SPAG17: variants seen among roughly 807,000 people sequenced by gnomAD.
The protein encoded by SPAG17 is sperm-associated antigen 17.
A neutral mutation model predicts 273.6 loss-of-function variants in SPAG17; 169 were observed. That is an observed-to-expected ratio of 0.62 (90% CI 0.55 to 0.70). SPAG17 has a LOEUF of 0.70. Ranked by LOEUF, SPAG17 falls within the 30% of genes least tolerant of loss-of-function variation. The probability of loss-of-function intolerance (pLI) is 0.00; values close to 1 mark genes in which losing one functional copy is unlikely to be tolerated. For synonymous variants in SPAG17, 825 were observed against 873.2 expected (o/e 0.94, Z 0.97); for missense variants, 2,557 against 2,627.8 (o/e 0.97, Z 0.59).
chr1:117,985,045 G>T (rs572495236), intron 40 of SPAG17, among the ~76,000 whole-genome samples: 2 of 152,272 alleles, frequency 1.3e-5, no homozygotes, highest in African/African-American at 4.8e-5. Flanking sequence ...TGATTTTGTA[G>T]TTGATCTCAA....
intron 35 of SPAG17, among the ~76,000 whole-genome samples, chr1:117,993,290 G>A (rs1159733998): frequency 6.6e-6 from 1 of 152,222 alleles, no homozygotes; most frequent in Non-Finnish European, 1.5e-5. Context: ...CAGCCACTTA[G>A]GGGCTTTGCA....
intron 3 of SPAG17, among the ~76,000 whole-genome samples, chr1:118,141,292 A>G (rs1036758483): frequency 2.0e-5 from 3 of 152,112 alleles, no homozygotes; most frequent in African/African-American, 7.2e-5. Context: ...CATTTCCTAA[A>G]CCTTAGTCAT....
intron 48 of SPAG17, 71 bp from the exon 49 acceptor site, chr1:117,954,120 G>C: frequency 6.3e-7 from 1 of 1,587,134 alleles, no homozygotes; most frequent in Non-Finnish European, 8.6e-7. Context: ...AGTACAGTAA[G>C]TTACAGTATC....
At chr1:118,018,761 G>T (rs1285820182) in intron 28 of SPAG17, among the ~76,000 whole-genome samples, 5 of 151,912 alleles carry the variant, frequency 3.3e-5, no homozygotes, top group African/African-American at 1.2e-4. Context: ...GGAAGCAAAA[G>T]AATATAAAGG....
intron 7 of SPAG17, among the ~76,000 whole-genome samples, chr1:118,096,351 G>A (rs1009285465): frequency 1.6e-5 from 2 of 126,196 alleles, no homozygotes; most frequent in Admixed American, 8.9e-5. Context: ...TTAGACAGTC[G>A]GCTTTTTTTT....
At position 117,977,430 on chromosome 1, in the gene SPAG17, C is replaced by CA. The variant is rs577033263; in HGVS notation, c.6004+3839dup. Reference sequence around the variant, plus strand: ...CTTAAAACTCATTCCAGCCCTAGCTCAGTCACAAATTTGCTGTATGATTTT... The same window carrying CA: ...CTTAAAACTCATTCCAGCCCTAGCTCAAGTCACAAATTTGCTGTATGATTTT... On this transcript the variant is annotated intron_variant, in intron 43 of 48. Coordinates refer to ENST00000336338, the MANE Select transcript of SPAG17 (RefSeq NM_206996.4). 2.0e-5 allele frequency among the ~76,000 whole-genome samples: 3 copies of CA among 152,314 alleles called. No individual in the cohort carries two copies. The South Asian group carries it at 6.2e-4, about 32-fold the overall frequency.
rs77080186 is a variant in SPAG17 at position 118,053,869 on chromosome 1, C to G, written c.2814+133G>C. The G allele has an allele frequency of 1.6e-3, 957 of 612,022 alleles. 10 individuals carry two copies. In the African/African-American group the frequency reaches 0.016, roughly 10 times the overall value. 37.9% of individuals were successfully genotyped at this position (612,022 alleles called of 1,614,324 possible). A position where few individuals can be genotyped will look rare whatever the true frequency, so the allele number is the denominator to read the frequency against. On this transcript the variant is annotated intron_variant, in intron 20 of 48. Coordinates refer to ENST00000336338, the MANE Select transcript of SPAG17 (RefSeq NM_206996.4). The stretch of plus-strand genomic sequence containing the variant: ...TCAGCAGGTCAAAAAGAGATGGTCT[C>G]CAGCTTCCAGGAAGCCATCTTCATG...
chr1:118,146,218 C>T (rs1658981080), intron 3 of SPAG17, among the ~76,000 whole-genome samples: 1 of 152,186 alleles, frequency 6.6e-6, no homozygotes, highest in South Asian at 2.1e-4. Context: ...TTAGTCACAA[C>T]TGGGAGAATC....
chr1:118,011,121 T>G (rs1435462203), intron 30 of SPAG17, among the ~76,000 whole-genome samples: 2 of 152,138 alleles, frequency 1.3e-5, no homozygotes, highest in African/African-American at 4.8e-5. Context: ...ACACTGCTGG[T>G]GGGAATTTAA....
chr1:118,034,983 T>G (rs1648909527), intron 24 of SPAG17, among the ~76,000 whole-genome samples: 1 of 152,216 alleles, frequency 6.6e-6, no homozygotes, highest in African/African-American at 2.4e-5. Flanking sequence ...TACTGTCTAC[T>G]TTTTCTTTGT....
intron 9 of SPAG17, 67 bp downstream of exon 9, chr1:118,091,863 G>C (rs1570677925): frequency 2.0e-6 from 3 of 1,491,512 alleles, no homozygotes; most frequent in East Asian, 4.5e-5. Context: ...TAATATGGAG[G>C]GCAGTCATTA....
intron 48 of SPAG17, chr1:117,963,097 G>T (rs1480503876): frequency 6.6e-6 from 1 of 152,180 alleles, no homozygotes; most frequent in Non-Finnish European, 1.5e-5. Flanking sequence ...AGCAGCCCTG[G>T]TATGTTTTTA....
intron 40 of SPAG17, among the ~76,000 whole-genome samples, chr1:117,985,844 C>T (rs1415125396): frequency 6.6e-6 from 1 of 152,084 alleles, no homozygotes; most frequent in Non-Finnish European, 1.5e-5. Flanking sequence ...TAACCTATTC[C>T]AAATCACATT....
At chr1:118,081,834 C>A (rs142303027) in intron 13 of SPAG17, among the ~76,000 whole-genome samples, 192 bp from the exon 14 acceptor site, 185 of 152,242 alleles carry the variant, frequency 1.2e-3, no homozygotes, top group African/African-American at 4.3e-3. Flanking sequence ...GATAAGCAAA[C>A]AACACAGTAA....
rs746084545 is a variant in SPAG17, at chr1:118,086,958, G to T, written c.1410C>A (p.Ser470=). ...TGTGGTCTAGCCCGTCTGCTCTGGG[G>T]GATGGCTCCCGCAGACTGGGTGGGA... ...DLVPPSLREP[S]PRADGLDHRI... is the part of the protein sequence containing the mutation. Residue 470 remains serine (S), a synonymous_variant, in exon 11 of 49, where the codon TCC becomes TCA. Transcript: ENST00000336338. The T allele has an allele frequency of 5.7e-6, 9 of 1,592,556 alleles. No homozygotes were observed. The highest frequency in any genetic ancestry group is 7.7e-6 in the Non-Finnish European group (9 of 1,172,110).
At chr1:118,043,776 A>G (rs941915470) in intron 20 of SPAG17, among the ~76,000 whole-genome samples, 19 of 152,236 alleles carry the variant, frequency 1.2e-4, no homozygotes, top group African/African-American at 4.3e-4. Flanking sequence ...TTACTAGCAC[A>G]GAAAGTTGAG....
rs115278468 is a variant in SPAG17, at chr1:118,025,161, A to C, written c.3909+77T>G. The C allele has an allele frequency of 5.0e-3, 6,640 of 1,326,968 alleles. 35 individuals are homozygous for C. The highest frequency in any genetic ancestry group is 9.9e-3 in the Admixed American group (480 of 48,548). The allele number at this position is 1,326,968 out of a possible 1,614,324, so 82.2% of individuals were successfully genotyped here. ...TAGTGAGTTGTTCCTTTTCCCTGTT[A>C]TAGAACAGTTCCTTACCCATAAGTT... On this transcript the variant is annotated intron_variant, in intron 27 of 48. Transcript: ENST00000336338.
rs144560904 is a variant in SPAG17 at position 118,143,822 on chromosome 1, T to C, written c.315+6721A>G. On this transcript the variant is annotated intron_variant, in intron 3 of 48. Transcript: ENST00000336338. ...CTGGAGGAGAAGCTGTGATGACTTC[T>C]CTTCATTAGCTGAACCTCACTTTAT... Among the ~76,000 whole-genome samples the C allele has an allele frequency of 8.5e-5, 13 of 152,302 alleles. No individual in the cohort carries two copies. In the East Asian group the frequency reaches 2.5e-3, roughly 30 times the overall value.
chr1:117,959,616 A>T (rs1652758806), intron 48 of SPAG17: 1 of 624,826 alleles, frequency 1.6e-6, no homozygotes, highest in African/African-American at 1.9e-5. Flanking sequence ...CCAACATGAG[A>T]TTATGGGCTG....
Sources: gnomAD v4.1 joint callset for allele counts (sites outside exome capture counted in the v4.1 genomes callset) on GRCh38, gnomAD v4.1.1 for gene constraint, MANE v1.5 for transcripts, NCBI Gene and HGNC (gene_info 2026-07-23, HGNC 2026-07-21) for gene names.